AFF3: variants seen among roughly 807,000 people sequenced by gnomAD.
The protein encoded by AFF3 is AF4/FMR2 family member 3.
In AFF3, 32 loss-of-function variants were observed where a neutral mutation model predicts 129.7. The ratio of observed to expected loss-of-function variants is 0.25; its 90% CI spans 0.19 to 0.33. The LOEUF is 0.33. Ranked by LOEUF, AFF3 falls within the 10% of genes least tolerant of loss-of-function variation. The probability of loss-of-function intolerance (pLI) is 1.00; values close to 1 mark genes in which losing one functional copy is unlikely to be tolerated. For synonymous variants in AFF3, 644 were observed against 635.4 expected, an observed-to-expected ratio of 1.01 and a Z score of -0.20; for missense variants, 1,373 against 1,592.0, an observed-to-expected ratio of 0.86 and a Z score of 2.34.
In AFF3 at chr2:99,869,231, T is replaced by C. The variant is rs143680376; in HGVS notation, c.874-31707A>G. Among the ~76,000 whole-genome samples, 1,288 of 151,806 alleles carry C rather than the reference T, an allele frequency of 8.5e-3. 12 individuals are homozygous for C. The highest frequency in any genetic ancestry group is 0.012 in the South Asian group (58 of 4,750). The stretch of plus-strand genomic sequence containing the variant: ...AGAAAAGCGGGTCCCCAGGAAGCGG[T>C]AAACTACAAGAAATGGACGGGATTT... On this transcript the variant is annotated intron_variant, in intron 7 of 24. Coordinates refer to ENST00000672756, the MANE Select transcript of AFF3 (RefSeq NM_001386135.1).
intron 1 of AFF3, among the ~76,000 whole-genome samples, chr2:100,130,237 A>G (rs1692370484): frequency 1.3e-5 from 2 of 152,198 alleles, no homozygotes; most frequent in African/African-American, 4.8e-5. Context: ...AACTATGGCT[A>G]GGTTCATAGC....
chr2:99,742,276 C>T (rs1005282631), intron 10 of AFF3, among the ~76,000 whole-genome samples: 1 of 151,950 alleles, frequency 6.6e-6, no homozygotes, highest in Non-Finnish European at 1.5e-5. Context: ...CCCAGGAATT[C>T]AAGGTTATAG....
At chr2:100,136,250 C>T (rs1211760930) in intron 1 of AFF3, among the ~76,000 whole-genome samples, 1 of 152,160 alleles carries the variant, frequency 6.6e-6, no homozygotes, top group African/African-American at 2.4e-5. Flanking sequence ...TGGACCAGAT[C>T]ATCTGGGAGC....
chr2:99,656,686 C>T (rs1575613879), intron 12 of AFF3, among the ~76,000 whole-genome samples: 1 of 152,112 alleles, frequency 6.6e-6, no homozygotes, highest in African/African-American at 2.4e-5. Flanking sequence ...CACTTCAGTC[C>T]TAGTTAATGG....
chr2:99,703,052 T>TA (rs1677023539), intron 11 of AFF3, among the ~76,000 whole-genome samples: 1 of 152,216 alleles, frequency 6.6e-6, no homozygotes, highest in South Asian at 2.1e-4. Context: ...TATAAGAAAT[T>TA]ACACAAATTT....
At chr2:99,803,272 C>A (rs1240572405) in intron 8 of AFF3, among the ~76,000 whole-genome samples, 4 of 152,088 alleles carry the variant, frequency 2.6e-5, no homozygotes, top group African/African-American at 9.7e-5. Context: ...GACGAACCAT[C>A]CCTGCATCCC....
intron 8 of AFF3, among the ~76,000 whole-genome samples, chr2:99,760,195 G>C (rs977391473): frequency 5.9e-5 from 9 of 152,188 alleles, no homozygotes; most frequent in African/African-American, 2.2e-4. Context: ...TCTGAGATGA[G>C]AGAATATATG....
intron 7 of AFF3, among the ~76,000 whole-genome samples, chr2:99,879,007 T>G (rs1692498115): frequency 6.6e-6 from 1 of 152,184 alleles, no homozygotes; most frequent in Admixed American, 6.5e-5. Context: ...TCAGAATTTT[T>G]TTATGTGCAT....
chr2:99,750,753 G>A (rs1681577967), intron 9 of AFF3, among the ~76,000 whole-genome samples: 1 of 152,058 alleles, frequency 6.6e-6, no homozygotes, highest in Non-Finnish European at 1.5e-5. Context: ...AGTAACTGTG[G>A]CTTCTGATGC....
chr2:100,125,197 A>G (rs1385841046), intron 2 of AFF3, among the ~76,000 whole-genome samples: 1 of 152,216 alleles, frequency 6.6e-6, no homozygotes, highest in Non-Finnish European at 1.5e-5. Context: ...ACCTTACATT[A>G]CAACAATAAA....
At chr2:99,837,588 C>T in intron 7 of AFF3, 64 bp from the exon 8 acceptor site, 3 of 1,489,706 alleles carry the variant, frequency 2.0e-6, no homozygotes, top group Non-Finnish European at 2.8e-6. Flanking sequence ...AGAAGACATG[C>T]AAGGTTCCAA....
intron 17 of AFF3, 67 bp downstream of exon 17, chr2:99,582,731 G>C (rs937822991): frequency 3.2e-4 from 499 of 1,541,682 alleles, no homozygotes; most frequent in Non-Finnish European, 4.2e-4. Context: ...TGCTAGGTTA[G>C]AGACAGAGCT....
At chr2:99,922,803 C>A (rs548677799) in intron 7 of AFF3, among the ~76,000 whole-genome samples, 39 of 152,284 alleles carry the variant, frequency 2.6e-4, no homozygotes, top group African/African-American at 9.1e-4. Flanking sequence ...TGCCTAGATT[C>A]TTTTCTACCT....
intron 11 of AFF3, among the ~76,000 whole-genome samples, chr2:99,680,656 G>A (rs968640988): frequency 2.0e-5 from 3 of 152,130 alleles, no homozygotes; most frequent in African/African-American, 4.8e-5. Context: ...CTAATGGTGT[G>A]CTTATTTAAT....
intron 8 of AFF3, among the ~76,000 whole-genome samples, chr2:99,810,828 C>G (rs1398047868): frequency 6.6e-6 from 1 of 152,178 alleles, no homozygotes; most frequent in Admixed American, 6.5e-5. Context: ...GTTCTTGCTC[C>G]TTGCAATTTC....
chr2:99,900,466 G>A (rs13008365), intron 7 of AFF3, among the ~76,000 whole-genome samples: 1,888 of 152,088 alleles, frequency 0.012, 17 homozygotes, highest in Non-Finnish European at 0.021. Context: ...GGCTCATTCA[G>A]AAGCTCCTTA....
At chr2:100,050,782 C>T (rs529198434) in intron 4 of AFF3, among the ~76,000 whole-genome samples, 106 of 152,316 alleles carry the variant, frequency 7.0e-4, no homozygotes, top group African/African-American at 2.4e-3. Context: ...CACATTTCCA[C>T]ACTGCCCCTG....
intron 7 of AFF3, among the ~76,000 whole-genome samples, chr2:99,934,124 C>T (rs535421253): frequency 5.3e-5 from 8 of 152,270 alleles, no homozygotes; most frequent in African/African-American, 1.9e-4. Context: ...GAATAGAAAG[C>T]CTTGCCCGAA....
At chr2:99,927,972 T>TTA (rs1304604302) in intron 7 of AFF3, among the ~76,000 whole-genome samples, 6 of 152,098 alleles carry the variant, frequency 3.9e-5, no homozygotes, top group Non-Finnish European at 5.9e-5. Flanking sequence ...TGCATGGGTC[T>TTA]CATGAGATCT....
Sources: allele counts gnomAD v4.1 joint callset (sites outside exome capture counted in the v4.1 genomes callset), GRCh38; gene constraint gnomAD v4.1.1; transcripts MANE v1.5; gene names NCBI Gene and HGNC (gene_info 2026-07-23, HGNC 2026-07-21).